The following TRANK1 variants were observed in gnomAD, a reference collection of about 807,000 sequenced individuals.
TRANK1 encodes TPR and ankyrin repeat-containing protein 1.
Under a neutral mutation model 266.0 loss-of-function variants are expected in TRANK1, and 198 were observed. The observed-to-expected ratio is 0.74, with a 90% CI of 0.66 to 0.84. The LOEUF (loss-of-function observed/expected upper bound fraction) is 0.84, where lower values mean the gene tolerates loss of function less well. Among genes scored for constraint, TRANK1 ranks in the 40% least tolerant of loss-of-function variants. TRANK1 has a pLI of 0.00. For synonymous variants in TRANK1, 1,396 were observed against 1,384.1 expected (o/e 1.01, Z -0.19); for missense variants, 3,326 against 3,634.6 (o/e 0.92, Z 2.18).
intron 9 of TRANK1, among the ~76,000 whole-genome samples, chr3:36,870,264 G>T (rs946103488): frequency 1.3e-5 from 2 of 152,120 alleles, no homozygotes; most frequent in Non-Finnish European, 2.9e-5. Flanking sequence ...AAAATTAGCC[G>T]GGCATGGTGA....
At chr3:36,852,794 AAAAAAC>A (rs2079003065) in intron 13 of TRANK1, among the ~76,000 whole-genome samples, 1 of 150,938 alleles carries the variant, frequency 6.6e-6, no homozygotes, top group African/African-American at 2.5e-5. Flanking sequence ...AAAAAAAAAA[AAAAAAC>A]AATGAGAGCT....
intron 8 of TRANK1, 105 bp downstream of exon 8, chr3:36,889,724 C>T: frequency 7.2e-7 from 1 of 1,390,184 alleles, no homozygotes; most frequent in Non-Finnish European, 9.4e-7. Flanking sequence ...GCCCTCTGAG[C>T]CAGCTAGGGA....
At position 36,856,146 on chromosome 3, in the gene TRANK1, C is replaced by T. The variant is rs1359455989; in HGVS notation, c.3576G>A (p.Gln1192=). 6.2e-7 allele frequency: 1 copy of T among 1,613,918 alleles called. No individual in the cohort carries two copies. The highest frequency in any genetic ancestry group is 1.7e-5 in the Admixed American group (1 of 60,012). ...EHPHQLEHLH[Q]IFVTKNHVLC... Reference sequence around the variant, plus strand: ...GCACATGGTTCTTGGTCACAAAGATCTGATGTAAATGCTCCAGCTGGTGGG... The same window carrying T: ...GCACATGGTTCTTGGTCACAAAGATTTGATGTAAATGCTCCAGCTGGTGGG... The change falls in exon 13 of 24, where the codon CAG becomes CAA. Residue 1192 remains glutamine, a synonymous_variant. Transcript: ENST00000645898.
intron 21 of TRANK1, 135 bp downstream of exon 21, chr3:36,834,627 C>G (rs927933151): frequency 3.1e-6 from 3 of 964,428 alleles, no homozygotes; most frequent in Non-Finnish European, 3.0e-6. Flanking sequence ...AGCACTGAGG[C>G]CATCGCTTAA....
At chr3:36,892,452 C>A in intron 6 of TRANK1, 112 bp from the exon 7 acceptor site, 4 of 1,302,692 alleles carry the variant, frequency 3.1e-6, no homozygotes, top group South Asian at 1.5e-5. Flanking sequence ...TAGCTGTGGT[C>A]CAAGCCTAGG....
At chr3:36,891,284 G>A (rs988549686) in intron 7 of TRANK1, among the ~76,000 whole-genome samples, 12 of 152,142 alleles carry the variant, frequency 7.9e-5, no homozygotes, top group Admixed American at 6.5e-4. Context: ...AGGCTGCAGT[G>A]AGCCAATATC....
chr3:36,906,257 G>A (rs946294133), intron 2 of TRANK1, among the ~76,000 whole-genome samples: 13 of 152,078 alleles, frequency 8.5e-5, no homozygotes, highest in African/African-American at 2.9e-4. Context: ...GGGGGAGGTG[G>A]AGCCGTGTTT....
In TRANK1 at chr3:36,833,672, G is replaced by A; in HGVS notation, c.5911C>T (p.Gln1971Ter). ...RREEAALLMKQHGCLLEAARL... is the reference protein window; with the variant it reads ...RREEAALLMK ...GCAGCCTCCAGGAGGCAGCCATGTTGCTTCATCAGCAGGGCAGCCTCTTCT... is the reference window on the plus strand; with the variant it reads ...GCAGCCTCCAGGAGGCAGCCATGTTACTTCATCAGCAGGGCAGCCTCTTCT... The change falls in exon 22 of 24, where the codon CAA (glutamine) becomes TAA (stop). Residue 1971 changes from glutamine (Q) to a stop codon, truncating the protein, a stop_gained. Transcript: ENST00000645898. LOFTEE classifies it high-confidence loss of function. The A allele has an allele frequency of 6.2e-7, 1 of 1,613,996 alleles. No individual in the cohort carries two copies. The highest frequency in any genetic ancestry group is 8.5e-7 in the Non-Finnish European group (1 of 1,179,884).
intron 8 of TRANK1, chr3:36,880,679 T>C (rs1173641550): frequency 1.8e-5 from 3 of 167,594 alleles, no homozygotes; most frequent in Admixed American, 5.8e-5. Flanking sequence ...TTTTACTCTT[T>C]CCATTCTGTT....
At position 36,838,386 on chromosome 3, in the gene TRANK1, C is replaced by T. The variant is rs528911805; in HGVS notation, c.5503G>A (p.Glu1835Lys). Residue 1835 changes from glutamate to lysine, a missense_variant, in exon 20 of 24, where the codon GAG (glutamate) becomes AAG (lysine). Physicochemically the swap from Glu to Lys is moderately conservative, Grantham distance 56. Transcript: ENST00000645898. ...KEFQLSAQLC[E>K]RLGKIRDAAY... is the part of the protein sequence containing the mutation. ...AGGAGCCATACCTTTCCCAGCCTCT[C>T]GCACAGCTGGGCAGAGAGCTGGAAC... The T allele has an allele frequency of 1.7e-5, 28 of 1,614,022 alleles. No homozygotes were observed. The highest frequency in any genetic ancestry group is 2.3e-5 in the Non-Finnish European group (27 of 1,179,896).
In TRANK1 at chr3:36,857,453, A is replaced by G. The variant is rs1443966723; in HGVS notation, c.2269T>C (p.Ser757Pro). The change falls in exon 13 of 24, where the codon TCT becomes CCT. Residue 757 changes from serine to proline, a missense_variant. Transcript: ENST00000645898. The surrounding 1 kb of genome is among the most constrained non-coding windows in gnomAD (Gnocchi z 4.3). ...CCAGCTCCTGCCTCCAGAGGCTCAG[A>G]GCTCTGAAGACAGTCCTCTGGGAAA... ...PSFPEDCLQS[S>P]EPLEAGAGKE... 7 of 1,613,792 alleles carry G rather than the reference A, an allele frequency of 4.3e-6. No individual in the cohort carries two copies.
intron 13 of TRANK1, among the ~76,000 whole-genome samples, chr3:36,854,802 C>A (rs964630786): frequency 2.0e-5 from 3 of 151,686 alleles, no homozygotes; most frequent in Admixed American, 2.0e-4. Flanking sequence ...AGAAAACCTG[C>A]TTCAAGGATT....
At chr3:36,915,089 C>T (rs1428130303) in intron 1 of TRANK1, among the ~76,000 whole-genome samples, 10 of 152,058 alleles carry the variant, frequency 6.6e-5, no homozygotes, top group Non-Finnish European at 1.3e-4. Context: ...GGAGCTGGGA[C>T]TACAGGCGCC....
intron 1 of TRANK1, among the ~76,000 whole-genome samples, chr3:36,934,581 G>A (rs1279181191): frequency 2.0e-5 from 3 of 152,206 alleles, no homozygotes; most frequent in Admixed American, 6.5e-5. Flanking sequence ...CCCTCACCCC[G>A]CCCTGGGTAT....
chr3:36,933,599 C>A (rs969732340), intron 1 of TRANK1, among the ~76,000 whole-genome samples: 3 of 152,192 alleles, frequency 2.0e-5, no homozygotes, highest in African/African-American at 7.2e-5. Context: ...CCTGCCATTT[C>A]TGGGTGGGCA....
chr3:36,921,191 T>TG (rs2080208398), intron 1 of TRANK1, among the ~76,000 whole-genome samples: 1 of 152,158 alleles, frequency 6.6e-6, no homozygotes, highest in South Asian at 2.1e-4. Flanking sequence ...CTCATACTCC[T>TG]GCTCTCTTTA....
chr3:36,918,606 G>GGAAAGAAAGAAAGAAAGAAA lies in TRANK1; in HGVS notation c.24-10172_24-10153dup, dbSNP rs1180042549. ...AGGAAGGAAGGAAGGAAGGAAGGAA[G>GGAAAGAAAGAAAGAAAGAAA]GAAAGAAAGAAAGAAAGAAAGAAAG... On this transcript the variant is annotated intron_variant, in intron 1 of 23. Coordinates refer to ENST00000645898, the MANE Select transcript of TRANK1 (RefSeq NM_001329998.2). Among the ~76,000 whole-genome samples, 57 of 22,126 alleles carry GGAAAGAAAGAAAGAAAGAAA rather than the reference G, an allele frequency of 2.6e-3. 9 individuals are homozygous for GGAAAGAAAGAAAGAAAGAAA. The highest frequency in any genetic ancestry group is 3.4e-3 in the Non-Finnish European group (33 of 9,842). The allele number at this position is 22,126 out of a possible 152,430, so 14.5% of individuals were successfully genotyped here.
intron 17 of TRANK1, among the ~76,000 whole-genome samples, chr3:36,845,497 T>C (rs759552599): frequency 2.0e-5 from 3 of 152,204 alleles, no homozygotes; most frequent in Non-Finnish European, 4.4e-5. Context: ...TTAAAGACAC[T>C]TCAGTAGGTA....
At chr3:36,928,195 T>G (rs917342145) in intron 1 of TRANK1, among the ~76,000 whole-genome samples, 1 of 152,216 alleles carries the variant, frequency 6.6e-6, no homozygotes, top group Non-Finnish European at 1.5e-5. Flanking sequence ...AAAACCAAGG[T>G]ACGCCCAATA....
Sources: allele counts gnomAD v4.1 joint callset (sites outside exome capture counted in the v4.1 genomes callset), GRCh38; gene constraint gnomAD v4.1.1; non-coding constraint Gnocchi (gnomAD v3.1); transcripts MANE v1.5; gene names NCBI Gene and HGNC (gene_info 2026-07-23, HGNC 2026-07-21).